PKHD1L1: variants seen among roughly 807,000 people sequenced by gnomAD.
PKHD1L1 encodes the protein fibrocystin-L.
In PKHD1L1, 434 loss-of-function variants were observed where a neutral mutation model predicts 462.9. The ratio of observed to expected loss-of-function variants is 0.94; its 90% CI spans 0.87 to 1.02. The LOEUF is 1.02. Among genes scored for constraint, PKHD1L1 ranks in the 50% least tolerant of loss-of-function variants. The pLI, the probability that PKHD1L1 is intolerant of heterozygous loss-of-function variation, is 0.00. For missense variants in PKHD1L1, 5,202 were observed against 5,096.1 expected (o/e 1.02, Z -0.63); for synonymous variants, 1,781 against 1,750.0 (o/e 1.02, Z -0.44).
At chr8:109,368,611 T>G (rs1051545753) in intron 2 of PKHD1L1, among the ~76,000 whole-genome samples, 2 of 152,342 alleles carry the variant, frequency 1.3e-5, no homozygotes, top group African/African-American at 4.8e-5. Context: ...TCTTTCCCAT[T>G]GTTTTGAATG....
Position 109,454,261 on chromosome 8 carries a change from A to G in PKHD1L1, c.6744+15A>G. The G allele has an allele frequency of 5.2e-6, 8 of 1,549,882 alleles. No individual in the cohort carries two copies. The highest frequency in any genetic ancestry group is 7.0e-6 in the Non-Finnish European group (8 of 1,135,662). ...GTGTTCTTCAGGTATTCAAAAGAACATAATACATATTCATTTCCAACCTGT... is the reference window on the plus strand; with the variant it reads ...GTGTTCTTCAGGTATTCAAAAGAACGTAATACATATTCATTTCCAACCTGT... On this transcript the variant is annotated intron_variant, in intron 44 of 77. Coordinates refer to ENST00000378402, the MANE Select transcript of PKHD1L1 (RefSeq NM_177531.6).
At position 109,389,166 on chromosome 8, in the gene PKHD1L1, ATCTT is replaced by A. The variant is rs1812586217; in HGVS notation, c.697+19_697+22del. Reference sequence around the variant, plus strand: ...GAACTTTTATTGGCAAGTGTTGGTCATCTTTCTTCATAATGCTCACAGATGCCTT... The same window carrying A: ...GAACTTTTATTGGCAAGTGTTGGTCATCTTCATAATGCTCACAGATGCCTT... On this transcript the variant is annotated intron_variant, in intron 8 of 77. Coordinates refer to ENST00000378402, the MANE Select transcript of PKHD1L1 (RefSeq NM_177531.6). The A allele has an allele frequency of 1.3e-6, 2 of 1,586,064 alleles. No homozygotes were observed. Among genetic ancestry groups the A allele is most frequent in the South Asian group, 2.2e-5 (2 of 89,912 alleles).
At chr8:109,488,601 CA>C (rs1179129035) in intron 59 of PKHD1L1, among the ~76,000 whole-genome samples, 1 of 151,976 alleles carries the variant, frequency 6.6e-6, no homozygotes, top group African/African-American at 2.4e-5. Flanking sequence ...ACTGTTTCTG[CA>C]GGTACTCATT....
intron 2 of PKHD1L1, among the ~76,000 whole-genome samples, chr8:109,376,822 A>G (rs551126938): frequency 6.6e-6 from 1 of 152,296 alleles, no homozygotes; most frequent in East Asian, 1.9e-4. Flanking sequence ...GACTAGGGTA[A>G]GAGGGGTTAT....
Position 109,442,208 on chromosome 8 carries a change from T to C in PKHD1L1, c.4393+13T>C. ...AAATCTACATCAGGTATGTTTCTGC[T>C]TATTGGGTTTTGCATCATGTCACTT... On this transcript the variant is annotated intron_variant, in intron 35 of 77. Transcript: ENST00000378402. The C allele has an allele frequency of 6.3e-7, 1 of 1,594,832 alleles. No individual in the cohort carries two copies. The highest frequency in any genetic ancestry group is 8.5e-7 in the Non-Finnish European group (1 of 1,171,226).
At chr8:109,375,418 G>A (rs1586378249) in intron 2 of PKHD1L1, among the ~76,000 whole-genome samples, 1 of 151,936 alleles carries the variant, frequency 6.6e-6, no homozygotes, top group African/African-American at 2.4e-5. Context: ...TTTTTTCAAG[G>A]TTTTTAACTT....
At chr8:109,364,688 C>T (rs1170058892) in intron 2 of PKHD1L1, 52 bp downstream of exon 2, 23 of 1,141,756 alleles carry the variant, frequency 2.0e-5, no homozygotes, top group Non-Finnish European at 2.8e-5. Context: ...TATTTTCAAG[C>T]CTATTTCATA....
At chr8:109,508,064 T>C (rs1264736853) in intron 69 of PKHD1L1, 33 bp from the exon 70 acceptor site, 1 of 1,557,296 alleles carries the variant, frequency 6.4e-7, no homozygotes, top group Non-Finnish European at 8.7e-7. Context: ...AGATTCTGTA[T>C]TATTGCTAAA....
intron 40 of PKHD1L1, 115 bp from the exon 41 acceptor site, chr8:109,450,860 G>T: frequency 9.5e-7 from 1 of 1,048,534 alleles, no homozygotes. Context: ...TAGGTATATT[G>T]GAAAAGGAAG....
Position 109,409,852 on chromosome 8 carries a change from A to G in PKHD1L1, c.1972-13A>G, listed in dbSNP as rs372305689. 2.7e-6 allele frequency: 4 copies of G among 1,480,706 alleles called. No homozygotes were observed. The highest frequency in any genetic ancestry group is 2.8e-5 in the African/African-American group (2 of 70,476). The allele number at this position is 1,480,706 out of a possible 1,614,324, so 91.7% of individuals were successfully genotyped here. ...ATGAAAAGAAGTTACTAATGTTTATATTGTTAATTTAGTTTCAGGGAGCAG... is the reference window on the plus strand; with the variant it reads ...ATGAAAAGAAGTTACTAATGTTTATGTTGTTAATTTAGTTTCAGGGAGCAG... On this transcript the variant is annotated splice_polypyrimidine_tract_variant and intron_variant, in intron 18 of 77. Coordinates refer to ENST00000378402, the MANE Select transcript of PKHD1L1 (RefSeq NM_177531.6).
intron 63 of PKHD1L1, among the ~76,000 whole-genome samples, chr8:109,495,298 T>A (rs1819030691): frequency 6.6e-6 from 1 of 152,128 alleles, no homozygotes; most frequent in African/African-American, 2.4e-5. Context: ...CTTTACAACT[T>A]CAATAAAGTT....
At chr8:109,441,478 G>A (rs570239751) in intron 34 of PKHD1L1, 99 bp downstream of exon 34, 1 of 769,070 alleles carries the variant, frequency 1.3e-6, no homozygotes, top group South Asian at 1.9e-5. Flanking sequence ...GAGAGACTAA[G>A]TATTGTTATT....
At chr8:109,390,918 A>G (rs951079636) in intron 9 of PKHD1L1, among the ~76,000 whole-genome samples, 2 of 152,186 alleles carry the variant, frequency 1.3e-5, no homozygotes, top group African/African-American at 4.8e-5. Flanking sequence ...GATGGTAGTT[A>G]TATCTTTCAA....
In PKHD1L1 at chr8:109,390,541, T is replaced by C. The variant is rs567857482; in HGVS notation, c.740+47T>C. On this transcript the variant is annotated intron_variant, in intron 9 of 77. Transcript: ENST00000378402. Reference sequence around the variant, plus strand: ...AACTTTTATAATTGATTCAACAGGGTAAATAAGATAAAATGTATATTTAGT... The same window carrying C: ...AACTTTTATAATTGATTCAACAGGGCAAATAAGATAAAATGTATATTTAGT... 2.8e-6 allele frequency: 3 copies of C among 1,073,490 alleles called. No homozygotes were observed. The South Asian group carries it at 5.5e-5, about 20-fold the overall frequency. 66.5% of individuals were successfully genotyped at this position (1,073,490 alleles called of 1,614,324 possible). A position where few individuals can be genotyped will look rare whatever the true frequency, so the allele number is the denominator to read the frequency against.
rs1344219319 is a variant in PKHD1L1 at position 109,507,886 on chromosome 8, C to T, written c.11218C>T (p.Pro3740Ser). The change falls in exon 69 of 78, where the codon CCT becomes TCT. Residue 3740 changes from proline to serine, a missense_variant. By Grantham distance (74) the Pro-to-Ser change is moderately conservative. This residue lies in a region of PKHD1L1 where 698 missense variants were observed against 736.3 expected (regional missense o/e 0.95). Transcript: ENST00000378402. ...TAGAATTCCTGTCACTGAGAAAGCA[C>T]CTCATAAAGGTTTGTTGGATCTTGC... is the stretch of plus-strand genomic sequence containing the variant. ...GSRIPVTEKA[P>S]HKGIIRDSTC... 1 of 1,613,384 alleles carries T rather than the reference C, an allele frequency of 6.2e-7. No homozygotes were observed. The highest frequency in any genetic ancestry group is 8.5e-7 in the Non-Finnish European group (1 of 1,179,546).
intron 59 of PKHD1L1, among the ~76,000 whole-genome samples, chr8:109,489,466 C>A (rs1279954333): frequency 6.6e-6 from 1 of 151,788 alleles, no homozygotes; most frequent in Non-Finnish European, 1.5e-5. Flanking sequence ...GATAAGCTGA[C>A]CAGCAGATAA....
At chr8:109,518,620 A>C in intron 73 of PKHD1L1, 112 bp downstream of exon 73, 2 of 838,212 alleles carry the variant, frequency 2.4e-6, no homozygotes, top group Non-Finnish European at 3.6e-6. Context: ...TCAACCCCAC[A>C]TCCTGAACCC....
rs1180565578 is a variant in PKHD1L1 at position 109,452,717 on chromosome 8, G to A, written c.6508-1G>A. Reference sequence around the variant, plus strand: ...TTAAGGTCTCTTATGTTCTATTACAGGATAATGCTGACTTTCTTTATGTTG... The same window carrying A: ...TTAAGGTCTCTTATGTTCTATTACAAGATAATGCTGACTTTCTTTATGTTG... On this transcript the variant is annotated splice_acceptor_variant, in intron 42 of 77. Transcript: ENST00000378402. LOFTEE classifies it high-confidence loss of function. The A allele has an allele frequency of 3.9e-6, 6 of 1,520,532 alleles. No homozygotes were observed. Among genetic ancestry groups the A allele is most frequent in the Non-Finnish European group, 5.3e-6 (6 of 1,137,882 alleles). The allele number at this position is 1,520,532 out of a possible 1,614,324, so 94.2% of individuals were successfully genotyped here.
rs564205789 is a variant in PKHD1L1 at position 109,536,152 on chromosome 8, G to A, written c.*6062G>A. 6.6e-6 allele frequency among the ~76,000 whole-genome samples: 1 copy of A among 152,256 alleles called. No individual in the cohort carries two copies. The highest frequency in any genetic ancestry group is 1.5e-5 in the Non-Finnish European group (1 of 68,006). On this transcript the variant is annotated 3_prime_UTR_variant, in exon 78 of 78. Transcript: ENST00000378402. ...CACTATTCCATGTTGTGAGCTAAAG[G>A]GGATTGTACTGATCTTGAAGATAAC...
Sources: gnomAD v4.1 joint callset for allele counts (sites outside exome capture counted in the v4.1 genomes callset) on GRCh38, gnomAD v4.1.1 for gene constraint, gnomAD v4.1.1 regional missense constraint, MANE v1.5 for transcripts, NCBI Gene and HGNC (gene_info 2026-07-23, HGNC 2026-07-21) for gene names.